Variants in SGK3 observed in about 807,000 individuals in gnomAD.
SGK3 encodes serum/glucocorticoid regulated kinase family member 3.
In SGK3, 47 loss-of-function variants were observed where a neutral mutation model predicts 68.5. That is an observed-to-expected ratio of 0.69 (90% CI 0.54 to 0.87). The LOEUF (loss-of-function observed/expected upper bound fraction) is 0.87. Among genes scored for constraint, SGK3 ranks in the 40% least tolerant of loss-of-function variants. SGK3 has a pLI of 0.00. For synonymous variants in SGK3, 181 were observed against 189.1 expected (o/e 0.96, Z 0.35); for missense variants, 479 against 575.5 (o/e 0.83, Z 1.72).
intron 10 of SGK3, among the ~76,000 whole-genome samples, chr8:66,839,435 G>A (rs1428348152): frequency 7.5e-6 from 1 of 133,236 alleles, no homozygotes; most frequent in East Asian, 2.3e-4. Context: ...AGTTTTTAAT[G>A]TTATCAACTA....
intron 4 of SGK3, among the ~76,000 whole-genome samples, chr8:66,812,022 C>G (rs369594655): frequency 1.3e-5 from 2 of 152,062 alleles, no homozygotes; most frequent in East Asian, 3.9e-4. Flanking sequence ...AAGACCAGAC[C>G]TGATTTTATA....
chr8:66,717,218 ACAAAAAAAACAAAAAAAAC>A lies in SGK3; in HGVS notation c.-122+4386_-122+4404del, dbSNP rs1428491704. On this transcript the variant is annotated intron_variant, in intron 1 of 16. Transcript: ENST00000521198. ...GAAACTCTTTATCTGAAAAAAAAAAACAAAAAAAACAAAAAAAACAAAAAAAAAACGCTGGGCTTGGTGG... is the reference window on the plus strand; with the variant it reads ...GAAACTCTTTATCTGAAAAAAAAAAAAAAAAAAAAACGCTGGGCTTGGTGG... 2.1e-4 allele frequency among the ~76,000 whole-genome samples: 24 copies of A among 113,762 alleles called. 1 individual carries two copies. The highest frequency in any genetic ancestry group is 7.8e-4 in the African/African-American group (14 of 17,938). The allele number at this position is 113,762 out of a possible 152,430, so 74.6% of individuals were successfully genotyped here.
chr8:66,774,663 T>C (rs1294578190), intron 1 of SGK3, among the ~76,000 whole-genome samples: 2 of 152,028 alleles, frequency 1.3e-5, no homozygotes, highest in African/African-American at 2.4e-5. Context: ...GGGAACGAGA[T>C]TGATTAACAA....
intron 1 of SGK3, among the ~76,000 whole-genome samples, chr8:66,722,128 C>T (rs1486673206): frequency 2.0e-5 from 3 of 152,128 alleles, no homozygotes; most frequent in South Asian, 4.1e-4. Flanking sequence ...GACTGCATAC[C>T]AACTTCAGCT....
chr8:66,773,325 G>A (rs565873367), intron 1 of SGK3, among the ~76,000 whole-genome samples: 1 of 152,318 alleles, frequency 6.6e-6, no homozygotes, highest in African/African-American at 2.4e-5. Context: ...AGAAAGCCAA[G>A]GACCTGGTGA....
chr8:66,827,840 A>G (rs1809126009), intron 6 of SGK3, among the ~76,000 whole-genome samples: 1 of 152,092 alleles, frequency 6.6e-6, no homozygotes, highest in South Asian at 2.1e-4. Context: ...TTAGAAAGAA[A>G]AGGCTGAGCA....
In SGK3 at chr8:66,750,761, T is replaced by C. The variant is rs146175732; in HGVS notation, c.-122+37928T>C. Among the ~76,000 whole-genome samples the C allele has an allele frequency of 1.4e-3, 207 of 151,532 alleles. 1 individual carries two copies. Among genetic ancestry groups the C allele is most frequent in the African/African-American group, 4.7e-3 (196 of 41,324 alleles). ...AGCTCACACCTGTAATCCCAGCACT[T>C]TGGGAGGCCGAGGCAGGTGGATTTC... On this transcript the variant is annotated intron_variant, in intron 1 of 16. Coordinates refer to ENST00000521198, the MANE Select transcript of SGK3 (RefSeq NM_001033578.3).
At position 66,743,974 on chromosome 8, in the gene SGK3, G is replaced by A. The variant is rs77316396; in HGVS notation, c.-122+31141G>A. Among the ~76,000 whole-genome samples, 891 of 152,304 alleles carry A rather than the reference G, an allele frequency of 5.9e-3. 11 individuals are homozygous for A. Among genetic ancestry groups the A allele is most frequent in the African/African-American group, 0.02 (825 of 41,558 alleles). On this transcript the variant is annotated intron_variant, in intron 1 of 16. Transcript: ENST00000521198. ...CTGTCCTTTTGTTCCAATCTGGGATGCTGCTGCACAGTTGTCATCCTGGAA... is the reference window on the plus strand; with the variant it reads ...CTGTCCTTTTGTTCCAATCTGGGATACTGCTGCACAGTTGTCATCCTGGAA...
At chr8:66,799,215 T>TA in intron 3 of SGK3, among the ~76,000 whole-genome samples, 1 of 152,322 alleles carries the variant, frequency 6.6e-6, no homozygotes, top group South Asian at 2.1e-4. Context: ...TGGCAGTACA[T>TA]ACAGTACATA....
In SGK3 at chr8:66,735,003, A is replaced by G. The variant is rs1805277620; in HGVS notation, c.-122+22170A>G. ...AATAAGATGTTTTGAAAGAGACCAC[A>G]TTCACATAACTTTTTTTACTGTATG... is the stretch of plus-strand genomic sequence containing the variant. On this transcript the variant is annotated intron_variant, in intron 1 of 16. Transcript: ENST00000521198. 2.6e-5 allele frequency among the ~76,000 whole-genome samples: 4 copies of G among 151,968 alleles called. No individual in the cohort carries two copies. The South Asian group carries it at 6.2e-4, about 24-fold the overall frequency.
rs1170681771 is a variant in SGK3 at position 66,723,139 on chromosome 8, T to A, written c.-122+10306T>A. On this transcript the variant is annotated intron_variant, in intron 1 of 16. Transcript: ENST00000521198. ...TATATATATATATATATATTTTTTT[T>A]TTTTTTTTTTTTTGTAAAAGGGTCG... Among the ~76,000 whole-genome samples the A allele has an allele frequency of 2.8e-3, 312 of 112,304 alleles. 1 individual carries two copies. The highest frequency in any genetic ancestry group is 9.5e-3 in the African/African-American group (271 of 28,506). 73.7% of individuals were successfully genotyped at this position (112,304 alleles called of 152,430 possible). A position where few individuals can be genotyped will look rare whatever the true frequency, so the allele number is the denominator to read the frequency against.
chr8:66,819,374 T>A (rs1808718396), intron 5 of SGK3, among the ~76,000 whole-genome samples: 1 of 152,198 alleles, frequency 6.6e-6, no homozygotes, highest in African/African-American at 2.4e-5. Flanking sequence ...ATTTTATTTT[T>A]AAAAATCTGT....
intron 1 of SGK3, chr8:66,767,357 A>C: frequency 9.3e-7 from 1 of 1,075,778 alleles, no homozygotes; most frequent in Non-Finnish European, 1.4e-6. Flanking sequence ...ATAATGCTTT[A>C]TTAATAGAAA....
At chr8:66,772,907 C>T (rs1159223212) in intron 1 of SGK3, among the ~76,000 whole-genome samples, 6 of 152,128 alleles carry the variant, frequency 3.9e-5, no homozygotes, top group Non-Finnish European at 8.8e-5. Context: ...GTGTGAGCCA[C>T]CATAACTGGC....
At chr8:66,817,384 T>G (rs558815422) in intron 5 of SGK3, among the ~76,000 whole-genome samples, 3 of 151,096 alleles carry the variant, frequency 2.0e-5, no homozygotes, top group Admixed American at 1.3e-4. Flanking sequence ...TGAGCCAAGA[T>G]CGTGCCACTG....
chr8:66,754,727 T>G (rs1805921889), intron 1 of SGK3, among the ~76,000 whole-genome samples: 1 of 152,264 alleles, frequency 6.6e-6, no homozygotes, highest in Non-Finnish European at 1.5e-5. Context: ...CACTATCTCA[T>G]CGCCCACGTG....
At chr8:66,780,875 A>C (rs1176003574) in intron 1 of SGK3, among the ~76,000 whole-genome samples, 1 of 152,112 alleles carries the variant, frequency 6.6e-6, no homozygotes, top group African/African-American at 2.4e-5. Flanking sequence ...GAAAAAATGG[A>C]TTGGAGGGAG....
At chr8:66,744,975 G>T (rs1242639421) in intron 1 of SGK3, among the ~76,000 whole-genome samples, 3 of 151,766 alleles carry the variant, frequency 2.0e-5, no homozygotes, top group Non-Finnish European at 2.9e-5. Context: ...TGTTCTAACT[G>T]TAATTTTTAG....
chr8:66,856,091 G>C (rs187255285), intron 16 of SGK3, among the ~76,000 whole-genome samples: 275 of 147,572 alleles, frequency 1.9e-3, no homozygotes, highest in African/African-American at 6.6e-3. Context: ...TTTTTGAGAT[G>C]GAATCTTGCT....
Sources: gnomAD v4.1 joint callset for allele counts (sites outside exome capture counted in the v4.1 genomes callset) on GRCh38, gnomAD v4.1.1 for gene constraint, MANE v1.5 for transcripts, NCBI Gene and HGNC (gene_info 2026-07-23, HGNC 2026-07-21) for gene names.